The following NOS1AP variants were observed in gnomAD, a reference collection of about 807,000 sequenced individuals.
The protein encoded by NOS1AP is nitric oxide synthase 1 adaptor protein.
A neutral mutation model predicts 56.2 loss-of-function variants in NOS1AP; 21 were observed. The ratio of observed to expected loss-of-function variants is 0.37; its 90% CI spans 0.26 to 0.54. NOS1AP has a LOEUF of 0.54. Ranked by LOEUF, NOS1AP falls within the 20% of genes least tolerant of loss-of-function variation. The pLI is 0.84. For missense variants in NOS1AP, 522 were observed against 657.8 expected (o/e 0.79, Z 2.26); for synonymous variants, 270 against 274.6 (o/e 0.98, Z 0.17).
Position 162,348,181 on chromosome 1 carries a change from T to C in NOS1AP, c.595+4205T>C, listed in dbSNP as rs75825119. ...GCCAGTGAGTGTGGCAAGGAGTACA[T>C]ATGTTTTAGTCATTGTCAACAAGTG... On this transcript the variant is annotated intron_variant, in intron 6 of 9. Coordinates refer to ENST00000361897, the MANE Select transcript of NOS1AP (RefSeq NM_014697.3). Among the ~76,000 whole-genome samples, 845 of 152,322 alleles carry C rather than the reference T, an allele frequency of 5.5e-3. 4 individuals are homozygous for C. The highest frequency in any genetic ancestry group is 0.019 in the African/African-American group (808 of 41,570).
At chr1:162,273,650 G>A (rs1252511843) in intron 2 of NOS1AP, among the ~76,000 whole-genome samples, 1 of 152,104 alleles carries the variant, frequency 6.6e-6, no homozygotes, top group Non-Finnish European at 1.5e-5. Flanking sequence ...ACTTCATCCA[G>A]CCCAAAGGAC....
chr1:162,197,456 G>A (rs962672668), intron 2 of NOS1AP, among the ~76,000 whole-genome samples: 6 of 152,206 alleles, frequency 3.9e-5, no homozygotes, highest in Admixed American at 6.5e-5. Flanking sequence ...GTTGTCTAGC[G>A]TGCTGGATCT....
intron 2 of NOS1AP, among the ~76,000 whole-genome samples, chr1:162,257,960 G>C (rs74368734): frequency 0.021 from 3,220 of 152,168 alleles, 118 homozygotes; most frequent in African/African-American, 0.073. Context: ...CAAGTGGACA[G>C]ATTTATTGCT....
chr1:162,291,836 C>G (rs138383823), intron 3 of NOS1AP, among the ~76,000 whole-genome samples: 5 of 152,140 alleles, frequency 3.3e-5, no homozygotes, highest in African/African-American at 9.7e-5. Context: ...TTCTTCAACT[C>G]GCATCTAGGC....
chr1:162,255,680 G>A (rs1247736699), intron 2 of NOS1AP, among the ~76,000 whole-genome samples: 2 of 151,890 alleles, frequency 1.3e-5, no homozygotes, highest in African/African-American at 2.4e-5. Flanking sequence ...AAGGTCAAAT[G>A]GATCCTTTAA....
rs1470531841 is a variant in NOS1AP at position 162,081,769 on chromosome 1, TA to T, written c.105+11488del. On this transcript the variant is annotated intron_variant, in intron 1 of 9. Transcript: ENST00000361897. ...CTATATCTATAGATATATATATATATATATATTTTTTTTTTGTAGAGATGGG... is the reference window on the plus strand; with the variant it reads ...CTATATCTATAGATATATATATATATTATATTTTTTTTTTGTAGAGATGGG... Among the ~76,000 whole-genome samples, 107 of 39,636 alleles carry T rather than the reference TA, an allele frequency of 2.7e-3. 6 individuals are homozygous for T. Among genetic ancestry groups the T allele is most frequent in the Admixed American group, 4.7e-3 (12 of 2,576 alleles). 26.0% of individuals were successfully genotyped at this position (39,636 alleles called of 152,430 possible).
chr1:162,267,241 G>GA (rs1251560460), intron 2 of NOS1AP, among the ~76,000 whole-genome samples: 1 of 152,124 alleles, frequency 6.6e-6, no homozygotes, highest in Non-Finnish European at 1.5e-5. Flanking sequence ...TGTTTGGAGT[G>GA]AAAAAAGTCT....
chr1:162,089,724 G>T (rs1367130498), intron 1 of NOS1AP, among the ~76,000 whole-genome samples: 1 of 152,196 alleles, frequency 6.6e-6, no homozygotes, highest in Non-Finnish European at 1.5e-5. Flanking sequence ...TAACCACAGA[G>T]GCAGATATTG....
chr1:162,328,231 G>A (rs890791136), intron 4 of NOS1AP, among the ~76,000 whole-genome samples: 4 of 152,086 alleles, frequency 2.6e-5, no homozygotes, highest in African/African-American at 9.7e-5. Flanking sequence ...GAGTGGGGAG[G>A]GCATCAGGAA....
At chr1:162,251,535 A>G (rs1274924152) in intron 2 of NOS1AP, among the ~76,000 whole-genome samples, 1 of 150,898 alleles carries the variant, frequency 6.6e-6, no homozygotes, top group African/African-American at 2.4e-5. Flanking sequence ...TTGAAAGTTG[A>G]CTCCCAAGGA....
intron 4 of NOS1AP, among the ~76,000 whole-genome samples, chr1:162,330,711 C>A (rs1294668069): frequency 6.6e-6 from 1 of 152,030 alleles, no homozygotes; most frequent in Non-Finnish European, 1.5e-5. Context: ...ACTTTGCTGG[C>A]AATGTAGAGA....
At chr1:162,245,513 C>A (rs1229512157) in intron 2 of NOS1AP, among the ~76,000 whole-genome samples, 2 of 152,184 alleles carry the variant, frequency 1.3e-5, no homozygotes, top group Non-Finnish European at 2.9e-5. Context: ...ATGATCCAAC[C>A]ATTCTACTTC....
At chr1:162,132,318 G>A (rs1405646643) in intron 1 of NOS1AP, among the ~76,000 whole-genome samples, 1 of 152,260 alleles carries the variant, frequency 6.6e-6, no homozygotes, top group Non-Finnish European at 1.5e-5. Flanking sequence ...CCCCAGGCAA[G>A]AGAATCCATA....
chr1:162,178,858 T>G (rs1010860955), intron 2 of NOS1AP, among the ~76,000 whole-genome samples: 6 of 152,252 alleles, frequency 3.9e-5, no homozygotes, highest in Admixed American at 6.5e-5. Context: ...TAAACTGTTT[T>G]CATTCCGAGC....
At chr1:162,288,886 G>C (rs1038894487) in intron 3 of NOS1AP, among the ~76,000 whole-genome samples, 2 of 152,162 alleles carry the variant, frequency 1.3e-5, no homozygotes, top group African/African-American at 4.8e-5. Flanking sequence ...CATCTGTTTT[G>C]CTTCTTCTCC....
chr1:162,121,819 T>C (rs560340327), intron 1 of NOS1AP, among the ~76,000 whole-genome samples: 6 of 152,274 alleles, frequency 3.9e-5, no homozygotes, highest in South Asian at 4.1e-4. Flanking sequence ...CCTCACCTCT[T>C]TGGGGATATG....
At chr1:162,071,821 T>G (rs990903900) in intron 1 of NOS1AP, among the ~76,000 whole-genome samples, 1 of 152,190 alleles carries the variant, frequency 6.6e-6, no homozygotes. Flanking sequence ...ATACATAAAC[T>G]GGGAAATTGG....
intron 2 of NOS1AP, among the ~76,000 whole-genome samples, chr1:162,190,672 T>C (rs1337483667): frequency 1.3e-5 from 2 of 152,200 alleles, no homozygotes; most frequent in Non-Finnish European, 2.9e-5. Context: ...TAACTATAGT[T>C]ATCCGGCAGT....
At position 162,142,504 on chromosome 1, in the gene NOS1AP, A is replaced by G. The variant is rs970454290; in HGVS notation, c.106-11901A>G. Among the ~76,000 whole-genome samples, 14 of 152,258 alleles carry G rather than the reference A, an allele frequency of 9.2e-5. 1 individual carries two copies. The highest frequency in any genetic ancestry group is 3.4e-4 in the African/African-American group (14 of 41,558). ...GTTTTTTTTGTCTGTTGAGATGAAC[A>G]TATGGTCATATGTTGAACTAACCTT... On this transcript the variant is annotated intron_variant, in intron 1 of 9. Coordinates refer to ENST00000361897, the MANE Select transcript of NOS1AP (RefSeq NM_014697.3).
Sources: allele counts gnomAD v4.1 joint callset (sites outside exome capture counted in the v4.1 genomes callset), GRCh38; gene constraint gnomAD v4.1.1; transcripts MANE v1.5; gene names NCBI Gene and HGNC (gene_info 2026-07-23, HGNC 2026-07-21).